TRPC4AP: variants seen among roughly 807,000 people sequenced by gnomAD.
The protein encoded by TRPC4AP is transient receptor potential cation channel subfamily C member 4 associated protein.
A neutral mutation model predicts 99.0 loss-of-function variants in TRPC4AP; 45 were observed. That is an observed-to-expected ratio of 0.45 (90% CI 0.36 to 0.58). TRPC4AP has a LOEUF of 0.58. Among genes scored for constraint, TRPC4AP ranks in the 20% least tolerant of loss-of-function variants. The pLI is 0.00. For missense variants in TRPC4AP, 879 were observed against 985.3 expected (o/e 0.89, Z 1.44); for synonymous variants, 408 against 385.8 (o/e 1.06, Z -0.67).
chr20:35,044,316 G>A lies in TRPC4AP; in HGVS notation c.865+189C>T, dbSNP rs191278183. ...TGAGGTGGGAGGATCACCTGAGCCTGGGGAGGTCAAGGCTGCAGTGAGCCA... is the reference window on the plus strand; with the variant it reads ...TGAGGTGGGAGGATCACCTGAGCCTAGGGAGGTCAAGGCTGCAGTGAGCCA... On this transcript the variant is annotated intron_variant, in intron 7 of 18. Transcript: ENST00000252015. Among the ~76,000 whole-genome samples, 421 of 151,598 alleles carry A rather than the reference G, an allele frequency of 2.8e-3. 1 individual carries two copies. The highest frequency in any genetic ancestry group is 4.5e-3 in the Non-Finnish European group (308 of 67,870).
intron 1 of TRPC4AP, among the ~76,000 whole-genome samples, chr20:35,086,402 C>G (rs2084848085): frequency 6.8e-6 from 1 of 148,116 alleles, no homozygotes; most frequent in Non-Finnish European, 1.5e-5. Context: ...CTTGTGAATA[C>G]GAAAACTTCC....
At chr20:35,077,996 G>T (rs371487351) in intron 2 of TRPC4AP, 50 bp downstream of exon 2, 50 of 1,510,088 alleles carry the variant, frequency 3.3e-5, no homozygotes, top group Admixed American at 4.3e-5. Context: ...CAGACATCTT[G>T]TGTCACCTAG....
At chr20:35,080,805 T>TTTTG (rs112141213) in intron 1 of TRPC4AP, among the ~76,000 whole-genome samples, 78,901 of 138,968 alleles carry the variant, frequency 0.57, 21,110 homozygotes, top group East Asian at 0.67. Context: ...TACACTTCAG[T>TTTTG]TTTTTTTTTT....
In TRPC4AP at chr20:35,051,033, TACACACACACACAC is replaced by T. The variant is rs34091819; in HGVS notation, c.529-1053_529-1040del. Among the ~76,000 whole-genome samples the T allele has an allele frequency of 1.0e-4, 15 of 144,994 alleles. No individual in the cohort carries two copies. The South Asian group carries it at 1.6e-3, about 15-fold the overall frequency. Reference sequence around the variant, plus strand: ...AAGAAACTGCAGTACTGCTATAGCTTACACACACACACACACACACACACACACACACACACATA... The same window carrying T: ...AAGAAACTGCAGTACTGCTATAGCTTACACACACACACACACACACACATA... On this transcript the variant is annotated intron_variant, in intron 5 of 18. Transcript: ENST00000252015.
intron 8 of TRPC4AP, among the ~76,000 whole-genome samples, chr20:35,023,008 C>CA (rs1484758790): frequency 1.4e-5 from 2 of 141,690 alleles, no homozygotes; most frequent in Non-Finnish European, 3.0e-5. Context: ...GCCTGGGCGA[C>CA]AGAGCTGGAC....
intron 9 of TRPC4AP, among the ~76,000 whole-genome samples, chr20:35,016,904 C>T (rs1376559455): frequency 2.0e-5 from 3 of 152,132 alleles, no homozygotes; most frequent in East Asian, 3.8e-4. Flanking sequence ...TTTATAAGAC[C>T]GTGTTGGTGA....
intron 5 of TRPC4AP, among the ~76,000 whole-genome samples, chr20:35,051,783 A>C (rs1409570234): frequency 6.6e-6 from 1 of 152,168 alleles, no homozygotes; most frequent in Non-Finnish European, 1.5e-5. Context: ...TCAAAGCTTA[A>C]AAATCTATCT....
intron 1 of TRPC4AP, among the ~76,000 whole-genome samples, chr20:35,079,107 A>AAGAAAG (rs2084558863): frequency 6.6e-6 from 1 of 152,200 alleles, no homozygotes; most frequent in African/African-American, 2.4e-5. Flanking sequence ...ATCACATAAA[A>AAGAAAG]AGAAAGATGG....
intron 9 of TRPC4AP, 105 bp downstream of exon 9, chr20:35,021,085 A>C (rs1488828002): frequency 2.3e-6 from 3 of 1,302,336 alleles, no homozygotes; most frequent in African/African-American, 2.9e-5. Flanking sequence ...TGCCAGGCTA[A>C]AGCGAGAGCC....
intron 10 of TRPC4AP, among the ~76,000 whole-genome samples, chr20:35,015,145 GC>G (rs11167252): frequency 0.19 from 28,890 of 151,930 alleles, 2,834 homozygotes; most frequent in Middle Eastern, 0.34. Flanking sequence ...GATTACAGGT[GC>G]CCCACCAACA....
At chr20:35,057,697 G>A in intron 3 of TRPC4AP, 126 bp from the exon 4 acceptor site, 1 of 732,694 alleles carries the variant, frequency 1.4e-6, no homozygotes, top group Non-Finnish European at 2.1e-6. Flanking sequence ...GTTCCAGGAG[G>A]CAGTTAAGGT....
intron 8 of TRPC4AP, among the ~76,000 whole-genome samples, chr20:35,031,502 C>T (rs1278878370): frequency 6.8e-6 from 1 of 147,050 alleles, no homozygotes; most frequent in East Asian, 2.0e-4. Context: ...TCCTAAAGTG[C>T]AGGGATTACA....
chr20:35,042,124 A>G (rs1044207878), intron 7 of TRPC4AP, among the ~76,000 whole-genome samples: 1 of 152,224 alleles, frequency 6.6e-6, no homozygotes, highest in Non-Finnish European at 1.5e-5. Flanking sequence ...TTAAAAATGT[A>G]AATTTCCTAA....
chr20:35,079,692 GTTA>G (rs1299115207), intron 1 of TRPC4AP, among the ~76,000 whole-genome samples: 3 of 152,038 alleles, frequency 2.0e-5, no homozygotes, highest in African/African-American at 4.8e-5. Flanking sequence ...CATAAGAGGA[GTTA>G]TTATTACTGA....
At chr20:35,048,631 C>T (rs999027648) in intron 6 of TRPC4AP, among the ~76,000 whole-genome samples, 3 of 152,220 alleles carry the variant, frequency 2.0e-5, no homozygotes, top group African/African-American at 7.2e-5. Flanking sequence ...ATCTATCCCC[C>T]TTTCAAACTG....
rs1457582494 is a variant in TRPC4AP at position 35,078,124 on chromosome 20, T to C, written c.219A>G (p.Gly73=). The change falls in exon 2 of 19, where the codon GGA becomes GGG. Residue 73 remains glycine, a synonymous_variant. Coordinates refer to ENST00000252015, the MANE Select transcript of TRPC4AP (RefSeq NM_015638.3). The part of the protein sequence containing the change: ...TERDKQSKWS[G]IPQLLLKLHT... ...GCAGCTTGAGGAGCAGCTGAGGAAT[T>C]CCACTCCACTTGGATTGTTTGTCCC... 3 of 1,613,930 alleles carry C rather than the reference T, an allele frequency of 1.9e-6. No homozygotes were observed. Among genetic ancestry groups the C allele is most frequent in the Admixed American group, 1.7e-5 (1 of 59,996 alleles).
intron 3 of TRPC4AP, among the ~76,000 whole-genome samples, chr20:35,060,414 C>T (rs932262970): frequency 4.6e-5 from 7 of 151,698 alleles, no homozygotes; most frequent in African/African-American, 1.7e-4. Flanking sequence ...TAGTGAGACC[C>T]TGTCTCTACA....
chr20:35,089,275 G>A (rs1223449423), intron 1 of TRPC4AP, among the ~76,000 whole-genome samples: 2 of 152,034 alleles, frequency 1.3e-5, no homozygotes, highest in Non-Finnish European at 2.9e-5. Flanking sequence ...TGCCCAGGCT[G>A]CAGTGTAATG....
At chr20:35,045,181 CTG>C (rs1466308649) in intron 6 of TRPC4AP, among the ~76,000 whole-genome samples, 1 of 152,128 alleles carries the variant, frequency 6.6e-6, no homozygotes, top group Non-Finnish European at 1.5e-5. Context: ...ATTTTGAACT[CTG>C]TGTTTATTAT....
Sources: gnomAD v4.1 joint callset for allele counts (sites outside exome capture counted in the v4.1 genomes callset) on GRCh38, gnomAD v4.1.1 for gene constraint, MANE v1.5 for transcripts, NCBI Gene and HGNC (gene_info 2026-07-23, HGNC 2026-07-21) for gene names.